The following TBC1D15 variants were observed in gnomAD, a reference collection of about 807,000 sequenced individuals.
TBC1D15 encodes GAP for RAB7.
In TBC1D15, 39 loss-of-function variants were observed where a neutral mutation model predicts 95.4. The observed-to-expected ratio is 0.41, with a 90% CI of 0.32 to 0.53. The LOEUF (loss-of-function observed/expected upper bound fraction) is 0.53. TBC1D15 is among the 20% of genes least tolerant of loss of function. TBC1D15 has a pLI of 0.29. For missense variants in TBC1D15, 733 were observed against 794.3 expected (o/e 0.92, Z 0.93); for synonymous variants, 258 against 261.3 (o/e 0.99, Z 0.12).
chr12:71,846,003 A>C (rs984644877), intron 1 of TBC1D15, among the ~76,000 whole-genome samples: 1 of 152,180 alleles, frequency 6.6e-6, no homozygotes, highest in Non-Finnish European at 1.5e-5. Context: ...TCTTTGTGTC[A>C]GGAAGGATGT....
At chr12:71,922,536 C>A (rs941354719) in intron 16 of TBC1D15, among the ~76,000 whole-genome samples, 3 of 152,132 alleles carry the variant, frequency 2.0e-5, no homozygotes, top group African/African-American at 7.2e-5. Context: ...GTCCTTGTAT[C>A]ATTTGTTCAT....
chr12:71,849,615 T>C, intron 1 of TBC1D15: 1 of 603,466 alleles, frequency 1.7e-6, no homozygotes, highest in South Asian at 1.6e-5. Context: ...TACCGTAAGC[T>C]CCTAAGCTGC....
chr12:71,905,975 C>T (rs1900605209), intron 10 of TBC1D15, among the ~76,000 whole-genome samples: 2 of 151,966 alleles, frequency 1.3e-5, no homozygotes, highest in Non-Finnish European at 1.5e-5. Context: ...CGGGTTCAAG[C>T]GATTTTCATG....
rs181217090 is a variant in TBC1D15, at chr12:71,847,195, C to T, written c.30+7384C>T. 3.3e-5 allele frequency among the ~76,000 whole-genome samples: 5 copies of T among 152,220 alleles called. No homozygotes were observed. The East Asian group carries it at 5.8e-4, about 18-fold the overall frequency. On this transcript the variant is annotated intron_variant, in intron 1 of 16. Transcript: ENST00000485960. ...TTTTCACCACCTCTGTTAGTTTTCT[C>T]GTGACTCACTGTACCATCACTCCAT... is the stretch of plus-strand genomic sequence containing the variant.
At chr12:71,851,049 G>A (rs1887698640) in intron 1 of TBC1D15, among the ~76,000 whole-genome samples, 1 of 151,038 alleles carries the variant, frequency 6.6e-6, no homozygotes, top group South Asian at 2.1e-4. Flanking sequence ...AGATAAAGAG[G>A]TTTAATTGGC....
At chr12:71,848,409 T>A (rs912858041) in intron 1 of TBC1D15, among the ~76,000 whole-genome samples, 4 of 152,240 alleles carry the variant, frequency 2.6e-5, no homozygotes, top group Non-Finnish European at 5.9e-5. Flanking sequence ...TGTTTCATTA[T>A]GGTTTCAGTT....
intron 12 of TBC1D15, among the ~76,000 whole-genome samples, chr12:71,915,866 ATTGT>A (rs1903590962): frequency 6.6e-6 from 1 of 152,058 alleles, no homozygotes; most frequent in Non-Finnish European, 1.5e-5. Flanking sequence ...AACCTGTATG[ATTGT>A]TTTTCACTGC....
intron 1 of TBC1D15, chr12:71,850,103 A>C: frequency 1.5e-5 from 8 of 520,774 alleles, no homozygotes; most frequent in South Asian, 1.3e-4. Context: ...ATCAGAAGAC[A>C]CTCTGGAGTT....
At chr12:71,878,815 C>T (rs1005653786) in intron 3 of TBC1D15, among the ~76,000 whole-genome samples, 10 of 150,456 alleles carry the variant, frequency 6.6e-5, no homozygotes, top group African/African-American at 2.2e-4. Context: ...CTGCACCTGG[C>T]CTGAGGGTTG....
At chr12:71,907,279 C>G (rs533715526) in intron 11 of TBC1D15, 141 bp downstream of exon 11, 7 of 516,354 alleles carry the variant, frequency 1.4e-5, no homozygotes, top group African/African-American at 1.2e-4. Flanking sequence ...TGGAAACTTA[C>G]AAGGCTATGG....
At chr12:71,857,042 C>T (rs1276141900) in intron 1 of TBC1D15, among the ~76,000 whole-genome samples, 1 of 151,674 alleles carries the variant, frequency 6.6e-6, no homozygotes, top group African/African-American at 2.4e-5. Flanking sequence ...AAAAATATTA[C>T]ATAGCAGATA....
At chr12:71,918,156 A>G (rs1472459297) in intron 13 of TBC1D15, among the ~76,000 whole-genome samples, 2 of 152,218 alleles carry the variant, frequency 1.3e-5, no homozygotes, top group Admixed American at 6.5e-5. Context: ...CACTGTCTCA[A>G]TAAAAAAGAA....
At chr12:71,840,701 A>G (rs554747479) in intron 1 of TBC1D15, among the ~76,000 whole-genome samples, 1 of 152,224 alleles carries the variant, frequency 6.6e-6, no homozygotes, top group East Asian at 1.9e-4. Flanking sequence ...CTCATTGCAG[A>G]TAGCGTCCTC....
At position 71,905,562 on chromosome 12, in the gene TBC1D15, G is replaced by A. The variant is rs138203701; in HGVS notation, c.1184-1460G>A. Among the ~76,000 whole-genome samples, 687 of 152,214 alleles carry A rather than the reference G, an allele frequency of 4.5e-3. 6 individuals are homozygous for A. The highest frequency in any genetic ancestry group is 0.015 in the African/African-American group (636 of 41,522). On this transcript the variant is annotated intron_variant, in intron 10 of 16. Transcript: ENST00000485960. ...GCTGGTCTTGAATTCTTGGGCTTAAGCAGTCCTCCTGTTTTGGCCTCCCAA... is the reference window on the plus strand; with the variant it reads ...GCTGGTCTTGAATTCTTGGGCTTAAACAGTCCTCCTGTTTTGGCCTCCCAA...
chr12:71,906,819 A>T (rs565572673), intron 10 of TBC1D15, among the ~76,000 whole-genome samples: 1 of 152,154 alleles, frequency 6.6e-6, no homozygotes, highest in Non-Finnish European at 1.5e-5. Context: ...TCTGCCCATG[A>T]GGAGGACTGA....
intron 10 of TBC1D15, among the ~76,000 whole-genome samples, chr12:71,904,891 A>G (rs936371917): frequency 6.6e-6 from 1 of 152,222 alleles, no homozygotes; most frequent in Admixed American, 6.5e-5. Flanking sequence ...CAGGATTGCC[A>G]AACAGCATTC....
chr12:71,879,991 A>G (rs80288685), intron 3 of TBC1D15, among the ~76,000 whole-genome samples: 2,058 of 152,240 alleles, frequency 0.014, 78 homozygotes, highest in Admixed American at 0.079. Context: ...TATACCTGTG[A>G]ATATGTTGCT....
chr12:71,918,399 G>T, intron 13 of TBC1D15, 52 bp from the exon 14 acceptor site: 2 of 1,160,336 alleles, frequency 1.7e-6, no homozygotes, highest in South Asian at 2.9e-5. Context: ...ACTGTATTCT[G>T]ACATAATTAG....
intron 9 of TBC1D15, 134 bp from the exon 10 acceptor site, chr12:71,897,713 T>C: frequency 1.7e-6 from 1 of 597,876 alleles, no homozygotes; most frequent in East Asian, 3.0e-5. Context: ...AACGTTTTGC[T>C]ATTGTTTTTA....
Sources: allele counts gnomAD v4.1 joint callset (sites outside exome capture counted in the v4.1 genomes callset), GRCh38; gene constraint gnomAD v4.1.1; transcripts MANE v1.5; gene names NCBI Gene and HGNC (gene_info 2026-07-23, HGNC 2026-07-21).